Variants in LRPPRC observed in about 807,000 individuals in gnomAD.
The protein encoded by LRPPRC is leucine rich pentatricopeptide repeat containing, also known as leucine-rich PPR motif-containing protein, mitochondrial.
A neutral mutation model predicts 180.3 loss-of-function variants in LRPPRC; 120 were observed. The observed-to-expected ratio is 0.67, with a 90% CI of 0.57 to 0.77. LRPPRC has a LOEUF of 0.77. Ranked by LOEUF, LRPPRC falls within the 30% of genes least tolerant of loss-of-function variation. The probability of loss-of-function intolerance (pLI) is 0.00; values close to 1 mark genes in which losing one functional copy is unlikely to be tolerated. For synonymous variants in LRPPRC, 723 were observed against 600.0 expected (o/e 1.21, Z -3.00); for missense variants, 2,012 against 1,657.2 (o/e 1.21, Z -3.72).
intron 27 of LRPPRC, among the ~76,000 whole-genome samples, chr2:43,920,019 GT>G (rs1016875240): frequency 5.3e-4 from 56 of 106,362 alleles, no homozygotes; most frequent in African/African-American, 1.9e-3. Flanking sequence ...ACTCCTAAAA[GT>G]AAAAAATTCA....
chr2:43,899,760 G>A (rs894377636), intron 32 of LRPPRC, 155 bp from the exon 33 acceptor site: 7 of 616,574 alleles, frequency 1.1e-5, no homozygotes, highest in Non-Finnish European at 2.0e-5. Context: ...CTAGGCAACT[G>A]AAACCCTGAA....
At position 43,974,237 on chromosome 2, in the gene LRPPRC, T is replaced by G. The variant is rs4953042; in HGVS notation, c.1068A>C (p.Gln356His). The G allele has an allele frequency of 6.2e-7, 1 of 1,610,472 alleles. No homozygotes were observed. The highest frequency in any genetic ancestry group is 1.1e-5 in the South Asian group (1 of 90,998). ...VTEKLEDVAL[Q>H]ILLACPVSKE... is the part of the protein sequence containing the mutation. ...TTGATACGGGGCATGCTAGTAAAAT[T>G]TGCAACGCTACATCTTCCAATTTTT... is the stretch of plus-strand genomic sequence containing the variant. Residue 356 changes from glutamine to histidine, a missense_variant, in exon 9 of 38, where the codon CAA (glutamine) becomes CAC (histidine). Physicochemically the swap from Gln to His is conservative, Grantham distance 24. Coordinates refer to ENST00000260665, the MANE Select transcript of LRPPRC (RefSeq NM_133259.4).
At chr2:43,890,186 C>T (rs1014579090) in intron 36 of LRPPRC, 39 of 417,122 alleles carry the variant, frequency 9.3e-5, no homozygotes, top group Middle Eastern at 7.0e-4. Context: ...TTCAAGTGAC[C>T]ACAAACTGAA....
At chr2:43,975,405 TCCC>T (rs1158761295) in intron 6 of LRPPRC, among the ~76,000 whole-genome samples, 188 bp from the exon 7 acceptor site, 1 of 152,014 alleles carries the variant, frequency 6.6e-6, no homozygotes, top group Non-Finnish European at 1.5e-5. Context: ...AAACATCTGA[TCCC>T]CCATTAAAAA....
rs1267644763 is a variant in LRPPRC at position 43,943,688 on chromosome 2, T to C, written c.2503A>G (p.Lys835Glu). 6.2e-7 allele frequency: 1 copy of C among 1,611,708 alleles called. No individual in the cohort carries two copies. The highest frequency in any genetic ancestry group is 1.1e-5 in the South Asian group (1 of 91,038). Residue 835 changes from lysine (K) to glutamate (E), a missense_variant and splice_region_variant, in exon 23 of 38, where the codon AAG becomes GAG. Coordinates refer to ENST00000260665, the MANE Select transcript of LRPPRC (RefSeq NM_133259.4). ...SFPLVTVHLEKGDLSTALEVA... is the reference protein window; with the variant it reads ...SFPLVTVHLEEGDLSTALEVA... Reference sequence around the variant, plus strand: ...AAATTCAAAATTCAATTAACTTACTTTTCCAAGTGTACAGTGACCAATGGG... The same window carrying C: ...AAATTCAAAATTCAATTAACTTACTCTTCCAAGTGTACAGTGACCAATGGG...
Position 43,934,277 on chromosome 2 carries a change from T to TGATTCA in LRPPRC, c.2648_2649insTGAATC (p.Gln883delinsHisGluSer). On this transcript the variant is annotated protein_altering_variant, in exon 25 of 38. Transcript: ENST00000260665. The stretch of plus-strand genomic sequence containing the variant: ...AGAGCATCACCATTTCACCTTGTTC[T>TGATTCA]TGGCTCACAAAGTCCATTGCTAGGT... 1 of 1,606,886 alleles carries TGATTCA rather than the reference T, an allele frequency of 6.2e-7. No homozygotes were observed. The highest frequency in any genetic ancestry group is 8.5e-7 in the Non-Finnish European group (1 of 1,173,962).
chr2:43,927,381 A>G (rs1344324399), intron 25 of LRPPRC, among the ~76,000 whole-genome samples: 4 of 152,250 alleles, frequency 2.6e-5, no homozygotes, highest in African/African-American at 7.2e-5. Context: ...TTGGTAGACT[A>G]GAAGTTGGAT....
chr2:43,891,711 T>C (rs1350344934), intron 36 of LRPPRC, among the ~76,000 whole-genome samples: 1 of 152,202 alleles, frequency 6.6e-6, no homozygotes, highest in African/African-American at 2.4e-5. Flanking sequence ...AAAAACCCTA[T>C]TATAGCCTCT....
chr2:43,992,213 G>A (rs1469240033), intron 1 of LRPPRC, among the ~76,000 whole-genome samples: 1 of 152,142 alleles, frequency 6.6e-6, no homozygotes, highest in Non-Finnish European at 1.5e-5. Context: ...TAAGGGGGAA[G>A]GGGAGACACA....
At position 43,960,622 on chromosome 2, in the gene LRPPRC, G is replaced by C. The variant is rs1230493995; in HGVS notation, c.1501C>G (p.Leu501Val). The C allele has an allele frequency of 3.2e-6, 5 of 1,582,248 alleles. No homozygotes were observed. The African/African-American group carries it at 6.7e-5, about 21-fold the overall frequency. Residue 501 changes from leucine (L) to valine (V), a missense_variant, in exon 13 of 38, where the codon CTG becomes GTG. Transcript: ENST00000260665. The part of the protein sequence containing the change: ...ARAILQENGC[L>V]SDSDMFSQAG... ...TGAGAAAACATATCACTATCAGACA[G>C]ACATCCATTTTCCTGGAGATAAAGC...
At chr2:43,896,565 G>T in intron 35 of LRPPRC, 69 bp downstream of exon 35, 2 of 1,014,038 alleles carry the variant, frequency 2.0e-6, no homozygotes, top group Non-Finnish European at 3.1e-6. Flanking sequence ...AGGCTTTTAT[G>T]TTAAATTCAA....
Position 43,984,318 on chromosome 2 carries a change from C to A in LRPPRC, c.150-1884G>T, listed in dbSNP as rs184735828. Among the ~76,000 whole-genome samples, 27 of 152,186 alleles carry A rather than the reference C, an allele frequency of 1.8e-4. No individual in the cohort carries two copies. The East Asian group carries it at 5.2e-3, about 29-fold the overall frequency. ...CCAAAGTTTTTTACACAATGCAAAT[C>A]TGATAAACTGTTAAAGAGCAAAAAT... On this transcript the variant is annotated intron_variant, in intron 1 of 37. Coordinates refer to ENST00000260665, the MANE Select transcript of LRPPRC (RefSeq NM_133259.4).
intron 1 of LRPPRC, among the ~76,000 whole-genome samples, chr2:43,992,852 T>G (rs969874554): frequency 1.3e-5 from 2 of 152,002 alleles, no homozygotes; most frequent in Admixed American, 1.3e-4. Context: ...TACCTATAGT[T>G]CAAGCAGGTG....
At chr2:43,968,723 A>T (rs1290745557) in intron 11 of LRPPRC, among the ~76,000 whole-genome samples, 1 of 152,236 alleles carries the variant, frequency 6.6e-6, no homozygotes, top group Non-Finnish European at 1.5e-5. Context: ...GCCAGGGACT[A>T]GGGTGAGGGA....
At position 43,899,251 on chromosome 2, in the gene LRPPRC, C is replaced by T; in HGVS notation, c.3793G>A (p.Gly1265Ser). ...AGAGCTCTGGCATCATCCACCTTGC[C>T]TGCATCCACAAGTTGAAGGAAAAAA... ...TDFFLQLVDAGKVDDARALLQ... is the reference protein window; with the variant it reads ...TDFFLQLVDASKVDDARALLQ... Residue 1265 changes from glycine to serine, a missense_variant, in exon 34 of 38, where the codon GGC becomes AGC. Gly to Ser is a moderately conservative substitution (Grantham distance 56). Transcript: ENST00000260665. The T allele has an allele frequency of 1.2e-6, 2 of 1,614,076 alleles. No individual in the cohort carries two copies.
chr2:43,926,334 A>C (rs759912548), intron 25 of LRPPRC, among the ~76,000 whole-genome samples: 3 of 152,214 alleles, frequency 2.0e-5, no homozygotes, highest in Non-Finnish European at 2.9e-5. Context: ...AATAAGCGAT[A>C]AACTAGAAAA....
chr2:43,889,230 G>A (rs886553855), intron 37 of LRPPRC, among the ~76,000 whole-genome samples: 7 of 140,082 alleles, frequency 5.0e-5, no homozygotes, highest in Admixed American at 8.1e-5. Flanking sequence ...CAGGAGAATC[G>A]CTTGGACCTG....
chr2:43,901,727 C>T (rs759445435), intron 31 of LRPPRC: 1 of 549,318 alleles, frequency 1.8e-6, no homozygotes, highest in Non-Finnish European at 3.2e-6. Context: ...ATATTAGAGG[C>T]CCGAGGAATT....
At chr2:43,922,858 G>A (rs536500709) in intron 27 of LRPPRC, among the ~76,000 whole-genome samples, 5 of 152,192 alleles carry the variant, frequency 3.3e-5, no homozygotes, top group Admixed American at 6.5e-5. Flanking sequence ...TCTTCAGAAA[G>A]GAAAGGATTA....
Sources: gnomAD v4.1 joint callset for allele counts (sites outside exome capture counted in the v4.1 genomes callset) on GRCh38, gnomAD v4.1.1 for gene constraint, MANE v1.5 for transcripts, NCBI Gene and HGNC (gene_info 2026-07-23, HGNC 2026-07-21) for gene names.